Variants in DSE observed in about 807,000 individuals in gnomAD.
The protein encoded by DSE is dermatan-sulfate epimerase.
A neutral mutation model predicts 84.4 loss-of-function variants in DSE; 36 were observed. The ratio of observed to expected loss-of-function variants is 0.43; its 90% CI spans 0.33 to 0.56. DSE has a LOEUF of 0.56. Ranked by LOEUF, DSE falls within the 20% of genes least tolerant of loss-of-function variation. The pLI, the probability that DSE is intolerant of heterozygous loss-of-function variation, is 0.06. For synonymous variants in DSE, 410 were observed against 430.1 expected (o/e 0.95, Z 0.58); for missense variants, 862 against 1,169.6 (o/e 0.74, Z 3.84).
intron 2 of DSE, among the ~76,000 whole-genome samples, chr6:116,319,924 T>C (rs2114757025): frequency 6.6e-6 from 1 of 152,282 alleles, no homozygotes; most frequent in South Asian, 2.1e-4. Flanking sequence ...CCTTCACAAC[T>C]CAGTTTAAAC....
intron 2 of DSE, among the ~76,000 whole-genome samples, chr6:116,341,388 G>C (rs1371938328): frequency 6.6e-6 from 1 of 152,176 alleles, no homozygotes; most frequent in Non-Finnish European, 1.5e-5. Context: ...GCCCTTGTCA[G>C]ATGGGTAGAT....
intron 2 of DSE, among the ~76,000 whole-genome samples, chr6:116,286,260 G>A (rs1262498931): frequency 6.6e-6 from 1 of 152,048 alleles, no homozygotes; most frequent in Non-Finnish European, 1.5e-5. Context: ...TGGATTCCTA[G>A]GTATTTTATT....
intron 2 of DSE, among the ~76,000 whole-genome samples, chr6:116,266,264 T>A (rs1252703114): frequency 6.6e-6 from 1 of 152,224 alleles, no homozygotes; most frequent in African/African-American, 2.4e-5. Context: ...CTGTTAGTCT[T>A]GCCGACATTA....
chr6:116,368,084 G>C (rs1237389527), upstream of DSE, among the ~76,000 whole-genome samples: 3 of 152,186 alleles, frequency 2.0e-5, no homozygotes, highest in Middle Eastern at 6.3e-3. Flanking sequence ...GTAGAGCAAA[G>C]ACATCCAATA....
chr6:116,274,580 CAAA>C (rs1290685063), intron 2 of DSE, among the ~76,000 whole-genome samples: 4 of 103,340 alleles, frequency 3.9e-5, no homozygotes. Flanking sequence ...AACTCTGTCT[CAAA>C]AAAAAAAAAA....
chr6:116,313,422 C>T (rs563324876), intron 2 of DSE, among the ~76,000 whole-genome samples: 1 of 152,292 alleles, frequency 6.6e-6, no homozygotes, highest in Admixed American at 6.5e-5. Context: ...CAGAAGAAAA[C>T]CATCACTTGC....
intron 1 of DSE, among the ~76,000 whole-genome samples, chr6:116,379,890 G>A (rs183770551): frequency 6.6e-6 from 1 of 152,090 alleles, no homozygotes; most frequent in African/African-American, 2.4e-5. Context: ...CTTAAGAAAG[G>A]TTATGTATGG....
At chr6:116,316,899 A>G (rs1192734603) in intron 2 of DSE, among the ~76,000 whole-genome samples, 7 of 151,158 alleles carry the variant, frequency 4.6e-5, no homozygotes, top group Non-Finnish European at 1.0e-4. Flanking sequence ...ACCTTAGCTC[A>G]TTTACTACTA....
chr6:116,341,011 G>A (rs575411621), intron 2 of DSE, among the ~76,000 whole-genome samples: 16 of 152,186 alleles, frequency 1.1e-4, no homozygotes, highest in African/African-American at 3.9e-4. Flanking sequence ...CCCAGTAATG[G>A]GATTGCTTGG....
At chr6:116,378,416 AT>A (rs1780047904) in intron 1 of DSE, among the ~76,000 whole-genome samples, 1 of 152,180 alleles carries the variant, frequency 6.6e-6, no homozygotes, top group Non-Finnish European at 1.5e-5. Flanking sequence ...AAATATTTTA[AT>A]GTTTTACATA....
At chr6:116,382,910 A>G (rs1433935784) in intron 1 of DSE, among the ~76,000 whole-genome samples, 8 of 152,198 alleles carry the variant, frequency 5.3e-5, no homozygotes. Context: ...TGAAGGTTTA[A>G]AAGAGTATAT....
chr6:116,364,831 T>G (rs1021828816), intron 2 of DSE, among the ~76,000 whole-genome samples: 3 of 149,020 alleles, frequency 2.0e-5, no homozygotes. Context: ...AGTAACACTT[T>G]TTTTTTTTTT....
At chr6:116,407,494 A>T (rs3798411) in intron 2 of DSE, among the ~76,000 whole-genome samples, 1 of 151,932 alleles carries the variant, frequency 6.6e-6, no homozygotes. Flanking sequence ...CTCATAGATA[A>T]CCTTAGCAGG....
At chr6:116,290,956 C>G (rs916601509) in intron 2 of DSE, among the ~76,000 whole-genome samples, 8 of 152,144 alleles carry the variant, frequency 5.3e-5, no homozygotes, top group Non-Finnish European at 1.0e-4. Flanking sequence ...TTCTGGCCAC[C>G]ACTGTGCTCT....
At position 116,438,328 on chromosome 6, in the gene DSE, A is replaced by G. The variant is rs958205092; in HGVS notation, c.*983A>G. The stretch of plus-strand genomic sequence containing the variant: ...TGTTCCATTATATTCAAAATGCATT[A>G]ACATTTTCCAAAATTTTTGAAGAGA... On this transcript the variant is annotated 3_prime_UTR_variant, in exon 6 of 6. Transcript: ENST00000644252. 1 of 152,530 alleles carries G rather than the reference A, an allele frequency of 6.6e-6. No homozygotes were observed. The highest frequency in any genetic ancestry group is 1.5e-5 in the Non-Finnish European group (1 of 67,976). The allele number at this position is 152,530 out of a possible 1,614,324, so 9.4% of individuals were successfully genotyped here. A position where few individuals can be genotyped will look rare whatever the true frequency, so the allele number is the denominator to read the frequency against.
chr6:116,255,800 C>G (rs1772118581), intron 1 of DSE: 1 of 152,172 alleles, frequency 6.6e-6, no homozygotes, highest in Admixed American at 6.5e-5. Context: ...ATGAAAGTTA[C>G]TTTTCCATGC....
At chr6:116,425,359 CT>C (rs1408604185) in intron 2 of DSE, among the ~76,000 whole-genome samples, 1 of 152,144 alleles carries the variant, frequency 6.6e-6, no homozygotes. Context: ...TCCCTAATTG[CT>C]TTCTTCTACC....
At chr6:116,434,842 G>A (rs1257850116) in intron 5 of DSE, among the ~76,000 whole-genome samples, 2 of 152,136 alleles carry the variant, frequency 1.3e-5, no homozygotes, top group African/African-American at 4.8e-5. Flanking sequence ...TTACTTTAGG[G>A]AAAAGTACAT....
At chr6:116,400,989 T>G (rs1156302877) in intron 2 of DSE, 1 of 152,160 alleles carries the variant, frequency 6.6e-6, no homozygotes, top group Non-Finnish European at 1.5e-5. Context: ...AAGTCCTTTT[T>G]GTTTTAGATA....
Sources: allele counts gnomAD v4.1 joint callset (sites outside exome capture counted in the v4.1 genomes callset), GRCh38; gene constraint gnomAD v4.1.1; transcripts MANE v1.5; gene names NCBI Gene and HGNC (gene_info 2026-07-23, HGNC 2026-07-21).